Variants in ERCC8 observed in about 807,000 individuals in gnomAD.
The protein encoded by ERCC8 is ERCC excision repair 8, CSA ubiquitin ligase complex subunit, also known as DNA excision repair protein ERCC-8.
In ERCC8, 52 loss-of-function variants were observed where a neutral mutation model predicts 54.9. The observed-to-expected ratio is 0.95, with a 90% confidence interval of 0.76 to 1.19. The LOEUF is 1.19. Among genes scored for constraint, ERCC8 ranks in the 50% most tolerant of loss-of-function variants. ERCC8 has a pLI of 0.00. For missense variants in ERCC8, 514 were observed against 466.1 expected (o/e 1.10, Z -0.95); for synonymous variants, 146 against 157.2 (o/e 0.93, Z 0.53).
At chr5:60,911,770 A>T (rs1471494899) in intron 4 of ERCC8, among the ~76,000 whole-genome samples, 3 of 35,520 alleles carry the variant, frequency 8.4e-5, no homozygotes, top group Non-Finnish European at 1.7e-4. Context: ...TTTTTGTATA[A>T]GGTGTTAAGG....
Position 60,872,431 on chromosome 5 carries a change from T to A in ERCC8, c.*2184A>T, listed in dbSNP as rs1478999484. ...ATAGGGGGTTAATATCCAAAATACATAAGGAACTCAATAGCAGGAAAACAA... is the reference window on the plus strand; with the variant it reads ...ATAGGGGGTTAATATCCAAAATACAAAAGGAACTCAATAGCAGGAAAACAA... On this transcript the variant is annotated 3_prime_UTR_variant, in exon 12 of 12. Transcript: ENST00000676185. 6.6e-6 allele frequency among the ~76,000 whole-genome samples: 1 copy of A among 151,964 alleles called. No homozygotes were observed. Among genetic ancestry groups the A allele is most frequent in the Non-Finnish European group, 1.5e-5 (1 of 67,994 alleles).
intron 2 of ERCC8, among the ~76,000 whole-genome samples, chr5:60,927,263 A>ATGG (rs1749775347): frequency 6.6e-6 from 1 of 152,122 alleles, no homozygotes. Context: ...TACAGCTCTC[A>ATGG]TGGTGGATGG....
At position 60,908,891 on chromosome 5, in the gene ERCC8, A is replaced by T. The variant is rs114353081; in HGVS notation, c.400-4018T>A. Among the ~76,000 whole-genome samples, 1,261 of 152,154 alleles carry T rather than the reference A, an allele frequency of 8.3e-3. 14 individuals carry two copies. Among genetic ancestry groups the T allele is most frequent in the African/African-American group, 0.029 (1,200 of 41,512 alleles). On this transcript the variant is annotated intron_variant, in intron 4 of 11. Transcript: ENST00000676185. ...TTGTATGTTTTGTGAAATACCTTTG[A>T]CCTCTTATTGAAAATCCATCTTTTA...
intron 11 of ERCC8, among the ~76,000 whole-genome samples, chr5:60,875,910 G>C (rs1326501960): frequency 1.3e-5 from 2 of 150,730 alleles, no homozygotes; most frequent in Non-Finnish European, 3.0e-5. Flanking sequence ...TTATTATACT[G>C]TAAGTTTTAG....
intron 2 of ERCC8, among the ~76,000 whole-genome samples, chr5:60,927,993 T>C (rs1749801118): frequency 6.6e-6 from 1 of 152,168 alleles, no homozygotes; most frequent in Non-Finnish European, 1.5e-5. Context: ...ATGCTAAACA[T>C]ACCATAACAC....
chr5:60,941,485 G>A (rs528594052), intron 1 of ERCC8, among the ~76,000 whole-genome samples: 16 of 152,274 alleles, frequency 1.1e-4, no homozygotes, highest in South Asian at 8.3e-4. Flanking sequence ...AAGGAGAAGA[G>A]AAAGAGTGTA....
chr5:60,902,071 T>C (rs958821509), intron 7 of ERCC8, among the ~76,000 whole-genome samples: 4 of 152,070 alleles, frequency 2.6e-5, no homozygotes, highest in Admixed American at 6.6e-5. Flanking sequence ...AGTCATTAAA[T>C]ATTAGAAAAT....
chr5:60,894,266 G>T (rs918949419), intron 9 of ERCC8, among the ~76,000 whole-genome samples: 11 of 152,140 alleles, frequency 7.2e-5, no homozygotes, highest in African/African-American at 2.7e-4. Context: ...TTACAGGCGT[G>T]AGCCACTGCG....
chr5:60,900,288 T>C (rs2112488781), intron 7 of ERCC8, among the ~76,000 whole-genome samples: 1 of 152,094 alleles, frequency 6.6e-6, no homozygotes, highest in Middle Eastern at 3.4e-3. Flanking sequence ...CTCCTAGAAA[T>C]TAGACACTTA....
At chr5:60,896,602 C>T (rs1423636838) in intron 9 of ERCC8, among the ~76,000 whole-genome samples, 2 of 152,118 alleles carry the variant, frequency 1.3e-5, no homozygotes, top group Non-Finnish European at 2.9e-5. Flanking sequence ...TGTGTTTCCC[C>T]TTAAAGTAAT....
rs1747778673 is a variant in ERCC8 at position 60,867,504 on chromosome 5, AT to A, written c.*7110del. Among the ~76,000 whole-genome samples, 1 of 152,344 alleles carries A rather than the reference AT, an allele frequency of 6.6e-6. No individual in the cohort carries two copies. The highest frequency in any genetic ancestry group is 2.1e-4 in the South Asian group (1 of 4,828). Reference sequence around the variant, plus strand: ...TAGTGATCATCACTGAGTTATTCTAATAACTTTTTCCATAATACTCTGAATT... The same window carrying A: ...TAGTGATCATCACTGAGTTATTCTAAAACTTTTTCCATAATACTCTGAATT... On this transcript the variant is annotated 3_prime_UTR_variant, in exon 12 of 12. Transcript: ENST00000676185.
At chr5:60,918,553 C>G in intron 3 of ERCC8, 165 bp from the exon 4 acceptor site, 2 of 633,180 alleles carry the variant, frequency 3.2e-6, no homozygotes, top group East Asian at 5.7e-5. Flanking sequence ...AATGTCCAGG[C>G]ATCTCTAGAT....
chr5:60,892,774 T>A, intron 9 of ERCC8: 2 of 691,088 alleles, frequency 2.9e-6, no homozygotes, highest in Non-Finnish European at 5.3e-6. Flanking sequence ...AGCAGCCGGA[T>A]GAACTTGTCC....
intron 9 of ERCC8, chr5:60,892,900 T>C (rs1052910971): frequency 2.5e-5 from 18 of 725,524 alleles, no homozygotes; most frequent in African/African-American, 5.2e-5. Context: ...AGGCCTACAA[T>C]GTCCATATGG....
chr5:60,937,774 G>A (rs757975394), intron 1 of ERCC8, among the ~76,000 whole-genome samples: 2 of 152,192 alleles, frequency 1.3e-5, no homozygotes, highest in African/African-American at 2.4e-5. Context: ...TGCCTGCAGC[G>A]GCAATCCACT....
At position 60,908,579 on chromosome 5, in the gene ERCC8, A is replaced by ATTT. The variant is rs1382761575; in HGVS notation, c.400-3707_400-3706insAAA. 5.2e-3 allele frequency among the ~76,000 whole-genome samples: 479 copies of ATTT among 91,746 alleles called. 1 individual carries two copies. The highest frequency in any genetic ancestry group is 0.011 in the Admixed American group (86 of 7,830). The allele number at this position is 91,746 out of a possible 152,430, so 60.2% of individuals were successfully genotyped here. On this transcript the variant is annotated intron_variant, in intron 4 of 11. Coordinates refer to ENST00000676185, the MANE Select transcript of ERCC8 (RefSeq NM_000082.4). ...CATATAAATACATATATATATATAT[A>ATTT]TATATTTTTTTTTTAAATAATGGCT...
rs191890880 is a variant in ERCC8, at chr5:60,917,903, T to C, written c.399+362A>G. 9.2e-4 allele frequency: 206 copies of C among 223,162 alleles called. 2 individuals carry two copies. The highest frequency in any genetic ancestry group is 4.5e-3 in the African/African-American group (198 of 43,664). 13.8% of individuals were successfully genotyped at this position (223,162 alleles called of 1,614,324 possible). ...TTTTCTACTTTAGATTACTAGATCA[T>C]AGTATTTTTCACAAAGGGATAATAA... On this transcript the variant is annotated intron_variant, in intron 4 of 11. Transcript: ENST00000676185.
At chr5:60,916,157 C>T (rs1279951602) in intron 4 of ERCC8, among the ~76,000 whole-genome samples, 1 of 152,166 alleles carries the variant, frequency 6.6e-6, no homozygotes. Flanking sequence ...AAAACCAGTG[C>T]AAGATGTTAG....
intron 1 of ERCC8, among the ~76,000 whole-genome samples, chr5:60,940,576 T>G (rs1750228143): frequency 6.6e-6 from 1 of 152,146 alleles, no homozygotes; most frequent in Non-Finnish European, 1.5e-5. Flanking sequence ...CCCATAAAGT[T>G]GTTTATAAAC....
Sources: gnomAD v4.1 joint callset for allele counts (sites outside exome capture counted in the v4.1 genomes callset) on GRCh38, gnomAD v4.1.1 for gene constraint, MANE v1.5 for transcripts, NCBI Gene and HGNC (gene_info 2026-07-23, HGNC 2026-07-21) for gene names.